ADAMTS3: variants seen among roughly 807,000 people sequenced by gnomAD.
ADAMTS3 encodes the protein ADAM metallopeptidase with thrombospondin type 1 motif 3.
Under a neutral mutation model 129.0 loss-of-function variants are expected in ADAMTS3, and 73 were observed. The observed-to-expected ratio is 0.57, with a 90% CI of 0.47 to 0.69. ADAMTS3 has a LOEUF of 0.69. Ranked by LOEUF, ADAMTS3 falls within the 30% of genes least tolerant of loss-of-function variation. The pLI is 0.00. For synonymous variants in ADAMTS3, 477 were observed against 510.8 expected (o/e 0.93, Z 0.89); for missense variants, 1,457 against 1,514.5 (o/e 0.96, Z 0.63).
intron 17 of ADAMTS3, among the ~76,000 whole-genome samples, chr4:72,302,105 T>C (rs1718965062): frequency 6.6e-6 from 1 of 151,994 alleles, no homozygotes; most frequent in South Asian, 2.1e-4. Flanking sequence ...ATCAGAATGA[T>C]CTGACAATAA....
chr4:72,453,228 C>T (rs1718455739), intron 3 of ADAMTS3, among the ~76,000 whole-genome samples: 1 of 151,802 alleles, frequency 6.6e-6, no homozygotes, highest in Non-Finnish European at 1.5e-5. Context: ...CTTAGAGGTT[C>T]CTGACTAATC....
At chr4:72,568,613 A>G in intron 1 of ADAMTS3, 81 bp downstream of exon 1, 1 of 1,028,684 alleles carries the variant, frequency 9.7e-7, no homozygotes, top group South Asian at 1.4e-5. Context: ...AGGAGGAAAG[A>G]GAGGAGGGTA....
chr4:72,324,619 C>A (rs551840467), intron 5 of ADAMTS3, among the ~76,000 whole-genome samples: 2 of 152,064 alleles, frequency 1.3e-5, no homozygotes, highest in Admixed American at 1.3e-4. Flanking sequence ...AATGGTAAGA[C>A]CCAATTTAAT....
At chr4:72,461,769 A>G (rs898966957) in intron 3 of ADAMTS3, among the ~76,000 whole-genome samples, 1 of 151,924 alleles carries the variant, frequency 6.6e-6, no homozygotes, top group African/African-American at 2.4e-5. Context: ...TTTACTTGGT[A>G]TAAGTGATGT....
rs1301535372 is a variant in ADAMTS3, at chr4:72,288,918, GCACATACACACACA to G, written c.2932-64_2932-51del. On this transcript the variant is annotated intron_variant, in intron 20 of 21. Transcript: ENST00000286657. ...CAGACATTTATTGCACCAAGACCAT[GCACATACACACACA>G]CACACACACACACACACACACACAC... The G allele has an allele frequency of 7.1e-6, 4 of 564,408 alleles. No individual in the cohort carries two copies. In the African/African-American group the frequency reaches 1.1e-4, roughly 16 times the overall value. 35.0% of individuals were successfully genotyped at this position (564,408 alleles called of 1,614,324 possible).
At chr4:72,450,242 C>T (rs558567427) in intron 3 of ADAMTS3, among the ~76,000 whole-genome samples, 1 of 151,692 alleles carries the variant, frequency 6.6e-6, no homozygotes, top group African/African-American at 2.4e-5. Context: ...CCTCATACAA[C>T]CCCTGCTTGA....
chr4:72,298,226 T>G (rs1442049562), intron 18 of ADAMTS3, 51 bp downstream of exon 18: 1 of 1,482,522 alleles, frequency 6.7e-7, no homozygotes, highest in East Asian at 2.3e-5. Context: ...GAAGCAAGAT[T>G]GGTTTTTATA....
intron 2 of ADAMTS3, among the ~76,000 whole-genome samples, chr4:72,556,804 C>T (rs1039249102): frequency 6.6e-6 from 1 of 151,786 alleles, no homozygotes; most frequent in Non-Finnish European, 1.5e-5. Context: ...TCTAATAACA[C>T]TTTAATAAAT....
chr4:72,475,448 AG>A (rs1477457468), intron 3 of ADAMTS3, among the ~76,000 whole-genome samples: 2 of 152,082 alleles, frequency 1.3e-5, no homozygotes, highest in East Asian at 3.8e-4. Context: ...TAGTCAATAC[AG>A]GAAGAAGACA....
chr4:72,300,122 T>A (rs1008279960), intron 17 of ADAMTS3, among the ~76,000 whole-genome samples: 2 of 152,088 alleles, frequency 1.3e-5, no homozygotes, highest in Non-Finnish European at 1.5e-5. Context: ...TCTTTTTTTT[T>A]AAAACAGCAT....
At chr4:72,420,954 C>T (rs1285199623) in intron 3 of ADAMTS3, among the ~76,000 whole-genome samples, 1 of 152,018 alleles carries the variant, frequency 6.6e-6, no homozygotes, top group Non-Finnish European at 1.5e-5. Flanking sequence ...AAGTCATAAC[C>T]GCAATGGATT....
At chr4:72,508,773 C>G (rs1054017192) in intron 3 of ADAMTS3, among the ~76,000 whole-genome samples, 2 of 152,018 alleles carry the variant, frequency 1.3e-5, no homozygotes, top group African/African-American at 2.4e-5. Context: ...TTGATCTACA[C>G]TATAGACCAA....
intron 3 of ADAMTS3, among the ~76,000 whole-genome samples, chr4:72,488,655 A>G (rs1719652604): frequency 6.6e-6 from 1 of 151,988 alleles, no homozygotes; most frequent in South Asian, 2.1e-4. Context: ...TACTATTTAT[A>G]ATTGACAAAT....
chr4:72,463,849 GA>G (rs112376301), intron 3 of ADAMTS3, among the ~76,000 whole-genome samples: 3 of 151,902 alleles, frequency 2.0e-5, no homozygotes, highest in African/African-American at 7.2e-5. Context: ...TAACCAAAGA[GA>G]AGCCTCACTG....
Position 72,455,472 on chromosome 4 carries a change from T to C in ADAMTS3, c.505-40501A>G, listed in dbSNP as rs562998365. Among the ~76,000 whole-genome samples, 85 of 151,314 alleles carry C rather than the reference T, an allele frequency of 5.6e-4. 1 individual carries two copies. The highest frequency in any genetic ancestry group is 3.4e-3 in the Middle Eastern group (1 of 294). On this transcript the variant is annotated intron_variant, in intron 3 of 21. Coordinates refer to ENST00000286657, the MANE Select transcript of ADAMTS3 (RefSeq NM_014243.3). ...GGGAACATCACGCACCAGGGCCTAT[T>C]GGGGGTGGGGAACTATGGGAGCGAT...
At chr4:72,403,739 A>G (rs1483556603) in intron 4 of ADAMTS3, among the ~76,000 whole-genome samples, 1 of 152,080 alleles carries the variant, frequency 6.6e-6, no homozygotes, top group Non-Finnish European at 1.5e-5. Flanking sequence ...ATTTTTTAAA[A>G]TAAAAAGCTC....
intron 4 of ADAMTS3, among the ~76,000 whole-genome samples, chr4:72,358,265 T>C (rs1720632109): frequency 6.6e-6 from 1 of 151,956 alleles, no homozygotes; most frequent in Non-Finnish European, 1.5e-5. Flanking sequence ...TATAGATCTT[T>C]AAATAAAACC....
intron 1 of ADAMTS3, 43 bp downstream of exon 1, chr4:72,568,651 G>A (rs372675650): frequency 5.6e-6 from 8 of 1,427,846 alleles, no homozygotes; most frequent in Non-Finnish European, 6.6e-6. Context: ...TCGGGAAAAG[G>A]TTGGGTTTGA....
intron 4 of ADAMTS3, among the ~76,000 whole-genome samples, chr4:72,394,482 T>C (rs557782408): frequency 6.6e-6 from 1 of 152,206 alleles, no homozygotes; most frequent in Non-Finnish European, 1.5e-5. Context: ...GGCCTCTGTC[T>C]CTTGCGTGAA....
Sources: gnomAD v4.1 joint callset for allele counts (sites outside exome capture counted in the v4.1 genomes callset) on GRCh38, gnomAD v4.1.1 for gene constraint, MANE v1.5 for transcripts, NCBI Gene and HGNC (gene_info 2026-07-23, HGNC 2026-07-21) for gene names.